EBF2: variants seen among roughly 807,000 people sequenced by gnomAD.
EBF2 encodes transcription factor COE2.
In EBF2, 21 loss-of-function variants were observed where a neutral mutation model predicts 72.8. The observed-to-expected ratio is 0.29, with a 90% CI of 0.20 to 0.42. The LOEUF (loss-of-function observed/expected upper bound fraction) is 0.42, where lower values mean the gene tolerates loss of function less well. Among genes scored for constraint, EBF2 ranks in the 10% least tolerant of loss-of-function variants. The pLI is 1.00. For missense variants in EBF2, 637 were observed against 731.2 expected (o/e 0.87, Z 1.49); for synonymous variants, 299 against 274.2 (o/e 1.09, Z -0.89).
intron 6 of EBF2, among the ~76,000 whole-genome samples, chr8:25,964,892 G>T (rs939373956): frequency 2.0e-5 from 3 of 152,020 alleles, no homozygotes; most frequent in Non-Finnish European, 2.9e-5. Flanking sequence ...ACACACAGAG[G>T]GACTGTCATA....
At chr8:25,929,434 C>T (rs1803443674) in intron 6 of EBF2, among the ~76,000 whole-genome samples, 1 of 152,156 alleles carries the variant, frequency 6.6e-6, no homozygotes, top group Non-Finnish European at 1.5e-5. Flanking sequence ...TAGTACGATG[C>T]TTATTGAGAG....
chr8:25,960,683 A>C (rs1257671010), intron 6 of EBF2, among the ~76,000 whole-genome samples: 1 of 152,142 alleles, frequency 6.6e-6, no homozygotes, highest in Non-Finnish European at 1.5e-5. Context: ...GTGCATATTC[A>C]AGAGCCTTTG....
At chr8:25,978,765 T>C (rs7000178) in intron 6 of EBF2, among the ~76,000 whole-genome samples, 45,628 of 152,110 alleles carry the variant, frequency 0.3, 7,244 homozygotes, top group Middle Eastern at 0.43. Flanking sequence ...TCAAATGCTG[T>C]CATTGCAGTT....
intron 10 of EBF2, among the ~76,000 whole-genome samples, chr8:25,866,520 T>C (rs1054916030): frequency 2.8e-5 from 4 of 143,526 alleles, no homozygotes; most frequent in Admixed American, 7.2e-5. Flanking sequence ...ACATATATAA[T>C]ATAAAAATAT....
At position 26,039,841 on chromosome 8, in the gene EBF2, T is replaced by C. The variant is rs200342390; in HGVS notation, c.482+187A>G. Among the ~76,000 whole-genome samples the C allele has an allele frequency of 1.2e-4, 19 of 152,026 alleles. No homozygotes were observed. The East Asian group carries it at 3.3e-3, about 26-fold the overall frequency. ...AATCCCGAGTCGTTCTGAGTCCCAA[T>C]GGTTATGCTTTAAGACACTTGCATG... On this transcript the variant is annotated intron_variant, in intron 5 of 15. Transcript: ENST00000520164.
chr8:25,931,782 T>A (rs1211203208), intron 6 of EBF2, among the ~76,000 whole-genome samples: 1 of 152,212 alleles, frequency 6.6e-6, no homozygotes, highest in African/African-American at 2.4e-5. Flanking sequence ...CATGCACGCC[T>A]CAAGGAAAGA....
chr8:25,957,816 T>C (rs544778187), intron 6 of EBF2, among the ~76,000 whole-genome samples: 1 of 152,300 alleles, frequency 6.6e-6, no homozygotes, highest in East Asian at 1.9e-4. Flanking sequence ...TGGTGAACCA[T>C]GATTGCATGA....
chr8:25,856,831 G>A (rs1296483935), intron 14 of EBF2, among the ~76,000 whole-genome samples: 1 of 152,176 alleles, frequency 6.6e-6, no homozygotes, highest in Non-Finnish European at 1.5e-5. Context: ...AACAAATAGT[G>A]TTTCTCTCTT....
chr8:26,017,937 C>T (rs796841248), intron 6 of EBF2, among the ~76,000 whole-genome samples: 15 of 152,144 alleles, frequency 9.9e-5, no homozygotes, highest in African/African-American at 3.1e-4. Flanking sequence ...ATGCACTTGG[C>T]GCAGCCCAAC....
At chr8:25,952,303 G>A (rs1289130565) in intron 6 of EBF2, among the ~76,000 whole-genome samples, 1 of 152,100 alleles carries the variant, frequency 6.6e-6, no homozygotes, top group African/African-American at 2.4e-5. Context: ...ATGTTCACAT[G>A]CCTGTTGGCC....
At chr8:25,934,922 C>T (rs1466746128) in intron 6 of EBF2, among the ~76,000 whole-genome samples, 2 of 152,200 alleles carry the variant, frequency 1.3e-5, no homozygotes, top group East Asian at 1.9e-4. Flanking sequence ...AGGCTTTGCT[C>T]AGGGACTGCG....
At chr8:25,895,507 CTG>C (rs1196240080) in intron 7 of EBF2, among the ~76,000 whole-genome samples, 1 of 152,184 alleles carries the variant, frequency 6.6e-6, no homozygotes, top group Admixed American at 6.6e-5. Flanking sequence ...AATAAAAAGT[CTG>C]TATCTTCCCA....
intron 6 of EBF2, among the ~76,000 whole-genome samples, chr8:26,019,204 T>A (rs1016817994): frequency 1.3e-5 from 2 of 152,104 alleles, no homozygotes; most frequent in Non-Finnish European, 2.9e-5. Flanking sequence ...TCATCCCATT[T>A]GATTAACAGC....
chr8:25,935,842 G>T (rs1352186027), intron 6 of EBF2, among the ~76,000 whole-genome samples: 1 of 152,194 alleles, frequency 6.6e-6, no homozygotes, highest in Non-Finnish European at 1.5e-5. Flanking sequence ...AGTAGGAAAT[G>T]CAATTTAAAT....
At chr8:25,967,348 A>T (rs922314307) in intron 6 of EBF2, among the ~76,000 whole-genome samples, 5 of 152,218 alleles carry the variant, frequency 3.3e-5, no homozygotes, top group Non-Finnish European at 7.3e-5. Flanking sequence ...CAATGGGGTT[A>T]TATCCCAATA....
intron 10 of EBF2, among the ~76,000 whole-genome samples, chr8:25,873,835 G>A (rs1802477550): frequency 6.6e-6 from 1 of 152,172 alleles, no homozygotes; most frequent in African/African-American, 2.4e-5. Context: ...CTTGCTCTCT[G>A]TAATGTGTAT....
intron 15 of EBF2, among the ~76,000 whole-genome samples, chr8:25,846,686 C>T (rs1021688757): frequency 1.4e-4 from 21 of 152,102 alleles, no homozygotes; most frequent in African/African-American, 4.3e-4. Flanking sequence ...GAGACCCTGT[C>T]TCAAAAAGAA....
intron 6 of EBF2, among the ~76,000 whole-genome samples, chr8:25,910,829 G>A (rs1201569422): frequency 2.6e-5 from 4 of 152,090 alleles, no homozygotes; most frequent in African/African-American, 7.2e-5. Context: ...GGAAGAGGGA[G>A]GTGAGTGAGA....
chr8:25,950,927 TA>T (rs1211837716), intron 6 of EBF2, among the ~76,000 whole-genome samples: 2 of 152,042 alleles, frequency 1.3e-5, no homozygotes, highest in Non-Finnish European at 2.9e-5. Context: ...GAAATGAAGA[TA>T]AAAGGGCTTC....
Sources: gnomAD v4.1 joint callset for allele counts (sites outside exome capture counted in the v4.1 genomes callset) on GRCh38, gnomAD v4.1.1 for gene constraint, MANE v1.5 for transcripts, NCBI Gene and HGNC (gene_info 2026-07-23, HGNC 2026-07-21) for gene names.